Variants in SSBP1 observed in about 807,000 individuals in gnomAD.
SSBP1 encodes the protein single-stranded DNA-binding protein, mitochondrial.
SSBP1 carries 20 observed loss-of-function variants against 27.0 expected under a neutral mutation model. The ratio of observed to expected loss-of-function variants is 0.74; its 90% confidence interval spans 0.52 to 1.08. The LOEUF (loss-of-function observed/expected upper bound fraction) is 1.08. SSBP1 is among the 50% of genes least tolerant of loss of function. SSBP1 has a pLI of 0.00. For synonymous variants in SSBP1, 59 were observed against 59.3 expected, an observed-to-expected ratio of 1.00 and a Z score of 0.02; for missense variants, 137 against 182.4, an observed-to-expected ratio of 0.75 and a Z score of 1.44.
Position 141,739,127 on chromosome 7 carries a change from A to G in SSBP1, c.-40A>G, listed in dbSNP as rs752932265. 1 of 1,559,066 alleles carries G rather than the reference A, an allele frequency of 6.4e-7. No individual in the cohort carries two copies. The highest frequency in any genetic ancestry group is 2.3e-5 in the East Asian group (1 of 44,148). ...TTATTTTGTTTTTTTCCTTCAGGAA[A>G]AGCCTAAAGATTAGACTGTAAGAAA... On this transcript the variant is annotated 5_prime_UTR_variant, in exon 2 of 7. Transcript: ENST00000265304.
At chr7:141,750,172 C>G in intron 6 of SSBP1, 139 bp from the exon 7 acceptor site, 1 of 666,426 alleles carries the variant, frequency 1.5e-6, no homozygotes, top group South Asian at 1.8e-5. Context: ...GTGAGCATAG[C>G]AAGTGATTTA....
At chr7:141,747,039 A>G (rs924485572) in intron 6 of SSBP1, among the ~76,000 whole-genome samples, 3 of 152,188 alleles carry the variant, frequency 2.0e-5, no homozygotes, top group Non-Finnish European at 2.9e-5. Context: ...CCTGTTTGTA[A>G]CAAAAATGCA....
At chr7:141,745,089 ATCTAAGTT>A (rs1395162300) in intron 5 of SSBP1, among the ~76,000 whole-genome samples, 1 of 152,236 alleles carries the variant, frequency 6.6e-6, no homozygotes, top group African/African-American at 2.4e-5. Flanking sequence ...AATTTTAATC[ATCTAAGTT>A]TCTAAGGTCA....
chr7:141,739,448 C>A, intron 2 of SSBP1: 1 of 354,818 alleles, frequency 2.8e-6, no homozygotes, highest in South Asian at 1.3e-4. Context: ...TTGAATTTAA[C>A]CAGTGAGAGG....
At chr7:141,739,411 T>C (rs1799426983) in intron 2 of SSBP1, 1 of 391,460 alleles carries the variant, frequency 2.6e-6, no homozygotes, top group Non-Finnish European at 4.5e-6. Context: ...ATAGGAATCA[T>C]TAATTTTTAA....
chr7:141,746,108 T>C (rs764093461), intron 6 of SSBP1: 7 of 358,552 alleles, frequency 2.0e-5, no homozygotes, highest in African/African-American at 4.5e-5. Flanking sequence ...GCAACCTCTG[T>C]CTCCTGGATT....
At chr7:141,741,952 C>T (rs933665064) in intron 2 of SSBP1, among the ~76,000 whole-genome samples, 14 of 152,280 alleles carry the variant, frequency 9.2e-5, no homozygotes, top group African/African-American at 3.4e-4. Flanking sequence ...CCTTCTAGTA[C>T]CTTCCTTCTA....
At chr7:141,747,570 A>G (rs1014625808) in intron 6 of SSBP1, among the ~76,000 whole-genome samples, 6 of 151,560 alleles carry the variant, frequency 4.0e-5, no homozygotes, top group Non-Finnish European at 8.8e-5. Context: ...TTGTATTTGT[A>G]GTAGAGATGG....
chr7:141,744,509 G>T (rs1799694986), intron 5 of SSBP1, among the ~76,000 whole-genome samples: 1 of 152,184 alleles, frequency 6.6e-6, no homozygotes, highest in Admixed American at 6.5e-5. Flanking sequence ...CTTGGATTGA[G>T]TATGTATAAA....
chr7:141,749,680 G>T (rs1215667225), intron 6 of SSBP1, among the ~76,000 whole-genome samples: 1 of 152,184 alleles, frequency 6.6e-6, no homozygotes, highest in East Asian at 1.9e-4. Flanking sequence ...TACTGGAGAG[G>T]CTGAGGCAGG....
intron 6 of SSBP1, among the ~76,000 whole-genome samples, chr7:141,748,306 C>T (rs550074020): frequency 2.0e-5 from 3 of 152,162 alleles, no homozygotes; most frequent in East Asian, 3.9e-4. Flanking sequence ...TACTAAATAT[C>T]GTAGTGTTCA....
intron 6 of SSBP1, chr7:141,745,810 T>A (rs140558280): frequency 3.9e-6 from 5 of 1,284,982 alleles, no homozygotes; most frequent in Non-Finnish European, 4.9e-6. Flanking sequence ...CACAAGTAAC[T>A]TTTGAATAAA....
At chr7:141,743,436 A>T in intron 3 of SSBP1, 125 bp from the exon 4 acceptor site, 1 of 1,125,960 alleles carries the variant, frequency 8.9e-7, no homozygotes, top group Non-Finnish European at 1.3e-6. Context: ...TTACCTTTTA[A>T]GGATCCCACT....
chr7:141,747,809 G>A (rs1332777576), intron 6 of SSBP1, among the ~76,000 whole-genome samples: 1 of 151,168 alleles, frequency 6.6e-6, no homozygotes, highest in East Asian at 2.0e-4. Context: ...GACCAGCCTG[G>A]GAACATGGTG....
At chr7:141,741,165 G>C (rs983401113) in intron 2 of SSBP1, 2 of 152,220 alleles carry the variant, frequency 1.3e-5, no homozygotes, top group Non-Finnish European at 2.9e-5. Flanking sequence ...CCGTGGGGAT[G>C]GTTTCAAGAT....
chr7:141,748,894 G>A (rs1054086725), intron 6 of SSBP1, among the ~76,000 whole-genome samples: 1 of 152,142 alleles, frequency 6.6e-6, no homozygotes, highest in Non-Finnish European at 1.5e-5. Context: ...AATTCGAGTA[G>A]TTTGTTCTGA....
chr7:141,740,902 A>G (rs1236584522), intron 2 of SSBP1: 1 of 152,248 alleles, frequency 6.6e-6, no homozygotes, highest in Non-Finnish European at 1.5e-5. Flanking sequence ...TAGATTAGTC[A>G]TATTAGGTAT....
At chr7:141,747,982 A>G (rs926153355) in intron 6 of SSBP1, among the ~76,000 whole-genome samples, 2 of 138,220 alleles carry the variant, frequency 1.4e-5, no homozygotes, top group Middle Eastern at 3.6e-3. Context: ...TGGGCAATAG[A>G]GGAAGACTCT....
At chr7:141,742,084 T>C (rs1334076227) in intron 2 of SSBP1, 85 bp from the exon 3 acceptor site, 8 of 999,506 alleles carry the variant, frequency 8.0e-6, no homozygotes, top group African/African-American at 8.0e-5. Context: ...ACTGACTATA[T>C]GGTGAATGAA....
Sources: allele counts gnomAD v4.1 joint callset (sites outside exome capture counted in the v4.1 genomes callset), GRCh38; gene constraint gnomAD v4.1.1; transcripts MANE v1.5; gene names NCBI Gene and HGNC (gene_info 2026-07-23, HGNC 2026-07-21).